The following HS3ST4 variants were observed in gnomAD, a reference collection of about 807,000 sequenced individuals.
HS3ST4 encodes heparan sulfate-glucosamine 3-sulfotransferase 4, also known as heparan sulfate glucosamine 3-O-sulfotransferase 4.
HS3ST4 carries 17 observed loss-of-function variants against 29.2 expected under a neutral mutation model. The ratio of observed to expected loss-of-function variants is 0.58; its 90% CI spans 0.40 to 0.87. The LOEUF is 0.87. Ranked by LOEUF, HS3ST4 falls within the 40% of genes least tolerant of loss-of-function variation. HS3ST4 has a pLI of 0.00. For missense variants in HS3ST4, 627 were observed against 634.5 expected (o/e 0.99, Z 0.13); for synonymous variants, 314 against 285.7 (o/e 1.10, Z -1.00).
intron 1 of HS3ST4, among the ~76,000 whole-genome samples, chr16:25,717,702 A>T (rs1966465697): frequency 6.6e-6 from 1 of 152,164 alleles, no homozygotes; most frequent in African/African-American, 2.4e-5. Context: ...GAGGAAAGAC[A>T]TGCAAGGACT....
chr16:25,841,839 G>C (rs4787770), intron 1 of HS3ST4, among the ~76,000 whole-genome samples: 3 of 152,032 alleles, frequency 2.0e-5, no homozygotes, highest in Admixed American at 6.6e-5. Flanking sequence ...CTGTCATTAT[G>C]GTCTTAAACC....
At chr16:25,929,357 T>A (rs1968441069) in intron 1 of HS3ST4, among the ~76,000 whole-genome samples, 1 of 150,880 alleles carries the variant, frequency 6.6e-6, no homozygotes, top group Non-Finnish European at 1.5e-5. Flanking sequence ...AGAGTGAGAC[T>A]CCATCTCAAA....
intron 1 of HS3ST4, among the ~76,000 whole-genome samples, chr16:25,729,667 T>C (rs1487641941): frequency 6.6e-6 from 1 of 152,224 alleles, no homozygotes; most frequent in Admixed American, 6.5e-5. Context: ...GGGACTTCTT[T>C]TCCCTGAGTT....
At chr16:25,710,646 A>T (rs1418011968) in intron 1 of HS3ST4, among the ~76,000 whole-genome samples, 1 of 151,890 alleles carries the variant, frequency 6.6e-6, no homozygotes, top group East Asian at 1.9e-4. Context: ...CTTTTTATAA[A>T]GAGATTTCTT....
intron 1 of HS3ST4, among the ~76,000 whole-genome samples, chr16:25,877,512 A>G (rs958855661): frequency 3.9e-5 from 6 of 152,166 alleles, no homozygotes; most frequent in Non-Finnish European, 5.9e-5. Context: ...TATTTGTTTC[A>G]TGATGCTCCA....
At chr16:25,798,783 A>T (rs1055965523) in intron 1 of HS3ST4, among the ~76,000 whole-genome samples, 3 of 152,304 alleles carry the variant, frequency 2.0e-5, no homozygotes, top group African/African-American at 7.2e-5. Flanking sequence ...CTCATTCTTT[A>T]GATGCTTGTC....
chr16:25,983,570 G>A (rs1455269013), intron 1 of HS3ST4, among the ~76,000 whole-genome samples: 8 of 152,110 alleles, frequency 5.3e-5, no homozygotes, highest in Admixed American at 3.9e-4. Context: ...TATTTTTCTG[G>A]CCACACTTAC....
At chr16:25,976,676 G>A (rs924162001) in intron 1 of HS3ST4, among the ~76,000 whole-genome samples, 1 of 152,186 alleles carries the variant, frequency 6.6e-6, no homozygotes, top group Non-Finnish European at 1.5e-5. Context: ...ACTGTCTAAA[G>A]TTTTGCTTCC....
At chr16:25,985,291 T>C (rs532426068) in intron 1 of HS3ST4, among the ~76,000 whole-genome samples, 2 of 152,124 alleles carry the variant, frequency 1.3e-5, no homozygotes, top group African/African-American at 4.8e-5. Flanking sequence ...GAAGGATGAG[T>C]TTCAGAGAAG....
intron 1 of HS3ST4, among the ~76,000 whole-genome samples, chr16:25,890,466 A>G (rs1192527058): frequency 6.6e-6 from 1 of 152,218 alleles, no homozygotes; most frequent in Admixed American, 6.5e-5. Flanking sequence ...CACCTACTAC[A>G]TTAGCTCATG....
intron 1 of HS3ST4, among the ~76,000 whole-genome samples, chr16:25,809,054 G>A (rs1331615973): frequency 1.3e-5 from 2 of 151,976 alleles, no homozygotes; most frequent in Admixed American, 6.6e-5. Context: ...GCTAATTTTG[G>A]TTCTTCCTTT....
At chr16:25,971,611 T>C (rs542489688) in intron 1 of HS3ST4, among the ~76,000 whole-genome samples, 16 of 152,278 alleles carry the variant, frequency 1.1e-4, no homozygotes, top group Admixed American at 5.9e-4. Context: ...TTTGTTATTA[T>C]TGTAGCATTA....
intron 1 of HS3ST4, among the ~76,000 whole-genome samples, chr16:25,786,435 T>C (rs572322078): frequency 2.4e-4 from 37 of 152,318 alleles, no homozygotes; most frequent in African/African-American, 8.4e-4. Context: ...TTTAGGCCAG[T>C]GTTCTGCAGA....
chr16:25,990,351 C>T (rs1969103818), intron 1 of HS3ST4, among the ~76,000 whole-genome samples: 2 of 152,218 alleles, frequency 1.3e-5, no homozygotes, highest in South Asian at 4.1e-4. Flanking sequence ...TCCAAAGTGA[C>T]TCCACCATTT....
At chr16:25,823,802 G>A (rs938622999) in intron 1 of HS3ST4, among the ~76,000 whole-genome samples, 15 of 152,210 alleles carry the variant, frequency 9.9e-5, no homozygotes, top group African/African-American at 3.4e-4. Context: ...GACCTCAGGT[G>A]ATCTGCCTGC....
At chr16:25,895,354 G>C (rs1244784464) in intron 1 of HS3ST4, among the ~76,000 whole-genome samples, 1 of 152,314 alleles carries the variant, frequency 6.6e-6, no homozygotes, top group Non-Finnish European at 1.5e-5. Context: ...CGACATATGA[G>C]GACGATGGAG....
chr16:25,940,222 C>T (rs1968559650), intron 1 of HS3ST4, among the ~76,000 whole-genome samples: 2 of 144,870 alleles, frequency 1.4e-5, no homozygotes, highest in African/African-American at 5.1e-5. Flanking sequence ...TTTTTTGAAA[C>T]AGCTAAGAGT....
chr16:26,052,955 G>C (rs1015265842), intron 1 of HS3ST4, among the ~76,000 whole-genome samples: 3 of 152,156 alleles, frequency 2.0e-5, no homozygotes, highest in African/African-American at 7.2e-5. Flanking sequence ...TGTTCATCTT[G>C]CATAACATAT....
intron 1 of HS3ST4, among the ~76,000 whole-genome samples, chr16:26,038,793 C>A (rs188992164): frequency 7.2e-4 from 109 of 152,248 alleles, no homozygotes; most frequent in African/African-American, 2.5e-3. Flanking sequence ...ATGCCATTCT[C>A]CTGCCTCAGC....
Sources: allele counts gnomAD v4.1 joint callset (sites outside exome capture counted in the v4.1 genomes callset), GRCh38; gene constraint gnomAD v4.1.1; transcripts MANE v1.5; gene names NCBI Gene and HGNC (gene_info 2026-07-23, HGNC 2026-07-21).